ELP4: variants seen among roughly 807,000 people sequenced by gnomAD.
ELP4 encodes the protein elongator acetyltransferase complex subunit 4, also known as elongator complex protein 4.
A neutral mutation model predicts 48.9 loss-of-function variants in ELP4; 51 were observed. The ratio of observed to expected loss-of-function variants is 1.04; its 90% CI spans 0.83 to 1.32. ELP4 has a LOEUF of 1.32. Ranked by LOEUF, ELP4 falls within the 40% of genes most tolerant of loss-of-function variation. ELP4 has a pLI of 0.00. For missense variants in ELP4, 519 were observed against 514.6 expected, an observed-to-expected ratio of 1.01 and a Z score of -0.08; for synonymous variants, 210 against 189.2, an observed-to-expected ratio of 1.11 and a Z score of -0.90.
rs529994835 is a variant in ELP4 at position 31,524,719 on chromosome 11, T to C, written c.259+4628T>C. On this transcript the variant is annotated intron_variant, in intron 2 of 9. Transcript: ENST00000640961. ...ATATTATAGTATTTCTTGTCAGTCATCTTCAACCTTTCTGAATTTGCTAAG... is the reference window on the plus strand; with the variant it reads ...ATATTATAGTATTTCTTGTCAGTCACCTTCAACCTTTCTGAATTTGCTAAG... 2.3e-4 allele frequency among the ~76,000 whole-genome samples: 35 copies of C among 152,356 alleles called. 1 individual carries two copies. The highest frequency in any genetic ancestry group is 7.9e-4 in the African/African-American group (33 of 41,588).
At chr11:31,763,447 A>G in intron 9 of ELP4, 2 of 1,609,828 alleles carry the variant, frequency 1.2e-6, no homozygotes, top group Non-Finnish European at 1.7e-6. Flanking sequence ...AGAGAGGAAC[A>G]TTTATCCTCC....
intron 9 of ELP4, among the ~76,000 whole-genome samples, chr11:31,753,655 C>A (rs571989263): frequency 7.9e-5 from 12 of 152,056 alleles, no homozygotes; most frequent in Non-Finnish European, 1.6e-4. Context: ...AGAACAACTT[C>A]AGCACATAAA....
At chr11:31,624,350 T>G (rs1944694440) in intron 5 of ELP4, among the ~76,000 whole-genome samples, 1 of 151,758 alleles carries the variant, frequency 6.6e-6, no homozygotes, top group Non-Finnish European at 1.5e-5. Flanking sequence ...TATAAACTTG[T>G]GCAGCATGTT....
chr11:31,717,294 A>G lies in ELP4; in HGVS notation c.1144-66099A>G, dbSNP rs563283088. On this transcript the variant is annotated intron_variant, in intron 9 of 9. Coordinates refer to ENST00000640961, the MANE Select transcript of ELP4 (RefSeq NM_019040.5). ...GTTATAAATATAGGCAACAAACCGC[A>G]GTCACATTAGCAGTAACTGTGACTG... Among the ~76,000 whole-genome samples, 89 of 152,352 alleles carry G rather than the reference A, an allele frequency of 5.8e-4. 1 individual carries two copies. Among genetic ancestry groups the G allele is most frequent in the African/African-American group, 2.0e-3 (85 of 41,574 alleles).
At chr11:31,598,416 C>T (rs76742762) in intron 4 of ELP4, among the ~76,000 whole-genome samples, 3,625 of 151,564 alleles carry the variant, frequency 0.024, 78 homozygotes, top group Admixed American at 0.062. Context: ...TCTGGTGTAC[C>T]TGCCATTGGC....
chr11:31,601,544 T>A (rs1421473217), intron 4 of ELP4, among the ~76,000 whole-genome samples: 2 of 152,178 alleles, frequency 1.3e-5, no homozygotes, highest in Admixed American at 6.5e-5. Context: ...TCTGCCTTGA[T>A]TCATTCCAAA....
At chr11:31,747,394 T>C (rs911199848) in intron 9 of ELP4, among the ~76,000 whole-genome samples, 1 of 151,914 alleles carries the variant, frequency 6.6e-6, no homozygotes, top group African/African-American at 2.4e-5. Context: ...AAGTAGACTA[T>C]AGAACCATAA....
rs543657720 is a variant in ELP4, at chr11:31,786,825, A to G, written c.*3301A>G. 1.8e-5 allele frequency: 4 copies of G among 217,348 alleles called. No individual in the cohort carries two copies. In the East Asian group the frequency reaches 2.7e-4, roughly 15 times the overall value. 13.5% of individuals were successfully genotyped at this position (217,348 alleles called of 1,614,324 possible). The stretch of plus-strand genomic sequence containing the variant: ...CATTTTTTTACTTAGAGCAGTTTGA[A>G]CGTTTATTACTTAAAACATTCAGCT... On this transcript the variant is annotated 3_prime_UTR_variant, in exon 10 of 10. Transcript: ENST00000640961.
intron 9 of ELP4, among the ~76,000 whole-genome samples, chr11:31,697,203 A>G (rs1400624030): frequency 1.3e-5 from 2 of 152,132 alleles, no homozygotes; most frequent in African/African-American, 4.8e-5. Flanking sequence ...CTCCCACACA[A>G]TAAACTGGTT....
chr11:31,512,762 A>G (rs1956031120), intron 1 of ELP4, among the ~76,000 whole-genome samples: 1 of 152,030 alleles, frequency 6.6e-6, no homozygotes, highest in South Asian at 2.1e-4. Flanking sequence ...GCAACTAAAG[A>G]ATTCTGGCAG....
At chr11:31,581,844 C>G (rs1040062799) in intron 3 of ELP4, among the ~76,000 whole-genome samples, 5 of 151,990 alleles carry the variant, frequency 3.3e-5, no homozygotes, top group Admixed American at 6.6e-5. Flanking sequence ...TCCTCCACCC[C>G]CTGGCCTCAA....
rs756114680 is a variant in ELP4, at chr11:31,509,880, G to T, written c.96G>T (p.Arg32Ser). Residue 32 changes from arginine (R) to serine (S), a missense_variant, in exon 1 of 10, where the codon AGG becomes AGT. Physicochemically the swap from Arg to Ser is moderately radical, Grantham distance 110. Coordinates refer to ENST00000640961, the MANE Select transcript of ELP4 (RefSeq NM_019040.5). ...GCAACGTCACCAGTTTCCAGAGGAGGGGTCCTAGAGCCAGCGTGACCAACG... is the reference window on the plus strand; with the variant it reads ...GCAACGTCACCAGTTTCCAGAGGAGTGGTCCTAGAGCCAGCGTGACCAACG... ...SKSNVTSFQRRGPRASVTNDS... is the reference protein window; with the variant it reads ...SKSNVTSFQRSGPRASVTNDS... 7 of 1,614,170 alleles carry T rather than the reference G, an allele frequency of 4.3e-6. No homozygotes were observed. In the East Asian group the frequency reaches 1.3e-4, roughly 31 times the overall value.
chr11:31,723,802 G>T (rs972921138), intron 9 of ELP4, among the ~76,000 whole-genome samples: 3 of 152,144 alleles, frequency 2.0e-5, no homozygotes, highest in Non-Finnish European at 1.5e-5. Flanking sequence ...CACTGAAAAA[G>T]CAGATCATAT....
At chr11:31,704,138 A>G (rs1946580904) in intron 9 of ELP4, among the ~76,000 whole-genome samples, 1 of 152,186 alleles carries the variant, frequency 6.6e-6, no homozygotes. Flanking sequence ...CCACAAATGC[A>G]TCAAGGCAAA....
intron 9 of ELP4, among the ~76,000 whole-genome samples, chr11:31,725,634 A>G (rs1265677399): frequency 6.6e-6 from 1 of 152,150 alleles, no homozygotes; most frequent in Non-Finnish European, 1.5e-5. Flanking sequence ...TTTTGAAACC[A>G]GCTTCACAAA....
chr11:31,529,535 T>C (rs1240828723), intron 2 of ELP4, among the ~76,000 whole-genome samples: 1 of 152,198 alleles, frequency 6.6e-6, no homozygotes, highest in Non-Finnish European at 1.5e-5. Flanking sequence ...GAACTTGACA[T>C]TCCTGTTTCC....
chr11:31,542,185 C>G (rs1054799677), intron 3 of ELP4, among the ~76,000 whole-genome samples: 17 of 152,242 alleles, frequency 1.1e-4, no homozygotes, highest in African/African-American at 4.1e-4. Flanking sequence ...GAAGGCAAAC[C>G]CTGTCATTTC....
rs554551633 is a variant in ELP4 at position 31,571,199 on chromosome 11, C to T, written c.382-23571C>T. Reference sequence around the variant, plus strand: ...TGGGAATCAACCCCTCAAACTCTACCATTGCTTTATCAGCTAAGTATATGG... The same window carrying T: ...TGGGAATCAACCCCTCAAACTCTACTATTGCTTTATCAGCTAAGTATATGG... On this transcript the variant is annotated intron_variant, in intron 3 of 9. Coordinates refer to ENST00000640961, the MANE Select transcript of ELP4 (RefSeq NM_019040.5). 2.6e-5 allele frequency among the ~76,000 whole-genome samples: 4 copies of T among 152,324 alleles called. No individual in the cohort carries two copies. In the South Asian group the frequency reaches 8.3e-4, roughly 32 times the overall value.
intron 9 of ELP4, among the ~76,000 whole-genome samples, chr11:31,772,419 C>G (rs185759393): frequency 6.6e-6 from 1 of 152,308 alleles, no homozygotes; most frequent in African/African-American, 2.4e-5. Context: ...CGCACCCGGC[C>G]TAAATTATCT....
Sources: gnomAD v4.1 joint callset for allele counts (sites outside exome capture counted in the v4.1 genomes callset) on GRCh38, gnomAD v4.1.1 for gene constraint, MANE v1.5 for transcripts, NCBI Gene and HGNC (gene_info 2026-07-23, HGNC 2026-07-21) for gene names.